SMAD4: variants seen among roughly 807,000 people sequenced by gnomAD.
The protein encoded by SMAD4 is MAD homolog 4.
A neutral mutation model predicts 63.2 loss-of-function variants in SMAD4; 7 were observed. That is an observed-to-expected ratio of 0.11 (90% CI 0.06 to 0.21). The LOEUF is 0.21. SMAD4 is among the 10% of genes least tolerant of loss of function. The pLI is 1.00. For missense variants in SMAD4, 312 were observed against 693.8 expected, an observed-to-expected ratio of 0.45 and a Z score of 6.18; for synonymous variants, 215 against 235.4, an observed-to-expected ratio of 0.91 and a Z score of 0.79.
At chr18:51,050,449 G>A (rs1048652774) in intron 4 of SMAD4, among the ~76,000 whole-genome samples, 6 of 151,914 alleles carry the variant, frequency 3.9e-5, no homozygotes, top group South Asian at 2.1e-4. Flanking sequence ...CACGAGGTCA[G>A]GAGATCGAGA....
At chr18:51,032,711 T>G (rs571205574) in intron 1 of SMAD4, among the ~76,000 whole-genome samples, 2 of 152,224 alleles carry the variant, frequency 1.3e-5, no homozygotes, top group South Asian at 2.1e-4. Flanking sequence ...AGTGTTATAG[T>G]AACATCATTA....
In SMAD4 at chr18:51,057,227, G is replaced by A. The variant is rs190294133; in HGVS notation, c.668-898G>A. On this transcript the variant is annotated intron_variant, in intron 5 of 11. Coordinates refer to ENST00000342988, the MANE Select transcript of SMAD4 (RefSeq NM_005359.6). The stretch of plus-strand genomic sequence containing the variant: ...ACTCCCATTTAGAAAAGAATGAGGT[G>A]ATGCCAGTTATAAATAATTATAACT... Among the ~76,000 whole-genome samples, 338 of 152,178 alleles carry A rather than the reference G, an allele frequency of 2.2e-3. 1 individual carries two copies. The highest frequency in any genetic ancestry group is 0.01 in the Middle Eastern group (3 of 294).
chr18:51,076,613 A>G (rs1910476422), intron 10 of SMAD4, 25 bp from the exon 11 acceptor site: 2 of 1,607,378 alleles, frequency 1.2e-6, no homozygotes, highest in South Asian at 1.1e-5. Context: ...ATGAACTCAT[A>G]GTATGAAATG....
At chr18:51,041,578 A>G (rs564209621) in intron 1 of SMAD4, among the ~76,000 whole-genome samples, 2 of 152,196 alleles carry the variant, frequency 1.3e-5, no homozygotes, top group Non-Finnish European at 2.9e-5. Flanking sequence ...GATGTTGCCA[A>G]GTGTCCCCTG....
At chr18:51,054,137 C>T (rs975152642) in intron 4 of SMAD4, 1 of 153,336 alleles carries the variant, frequency 6.5e-6, no homozygotes, top group East Asian at 1.9e-4. Context: ...TTTTCTCACA[C>T]CATATATTAA....
intron 1 of SMAD4, among the ~76,000 whole-genome samples, chr18:51,036,091 A>G (rs1172831277): frequency 6.6e-6 from 1 of 152,080 alleles, no homozygotes; most frequent in Non-Finnish European, 1.5e-5. Context: ...ATCTTGCCTC[A>G]GCCTCCAGAG....
Position 51,083,461 on chromosome 18 carries a change from GT to G in SMAD4, c.*5005del, listed in dbSNP as rs113155703. 2.0e-3 allele frequency: 406 copies of G among 205,206 alleles called. No individual in the cohort carries two copies. Among genetic ancestry groups the G allele is most frequent in the East Asian group, 3.3e-3 (44 of 13,390 alleles). 12.7% of individuals were successfully genotyped at this position (205,206 alleles called of 1,614,324 possible). ...GAAACTTTTTGTCCTTTTTTTTTCT[GT>G]TTTTTTTTTTCTAATGTAGTAAGGA... On this transcript the variant is annotated 3_prime_UTR_variant, in exon 12 of 12. Coordinates refer to ENST00000342988, the MANE Select transcript of SMAD4 (RefSeq NM_005359.6).
intron 1 of SMAD4, among the ~76,000 whole-genome samples, chr18:51,045,438 T>C (rs955153498): frequency 6.6e-6 from 1 of 152,218 alleles, no homozygotes; most frequent in African/African-American, 2.4e-5. Flanking sequence ...TTATCTTCTT[T>C]ATTCTTAAGC....
At chr18:51,055,519 A>G (rs967770691) in intron 5 of SMAD4, among the ~76,000 whole-genome samples, 2 of 142,442 alleles carry the variant, frequency 1.4e-5, no homozygotes, top group South Asian at 2.2e-4. Context: ...TTTTTAAAAT[A>G]TATGTGTAAT....
At chr18:51,076,943 T>C in intron 11 of SMAD4, 167 bp downstream of exon 11, 1 of 563,212 alleles carries the variant, frequency 1.8e-6, no homozygotes, top group Non-Finnish European at 3.1e-6. Flanking sequence ...ATAGTTGCTT[T>C]TTGCCTATGA....
intron 1 of SMAD4, among the ~76,000 whole-genome samples, chr18:51,034,390 G>T (rs1052306989): frequency 2.0e-5 from 3 of 152,006 alleles, no homozygotes; most frequent in Non-Finnish European, 1.5e-5. Flanking sequence ...GAGATTACAG[G>T]CGTGCGCCAC....
rs1288240994 is a variant in SMAD4, at chr18:51,084,010, G to GCACA, written c.*5544_*5545insACAC. On this transcript the variant is annotated 3_prime_UTR_variant, in exon 12 of 12. Transcript: ENST00000342988. Reference sequence around the variant, plus strand: ...ACTTAACGCGCGTGCGCACGCGCGCGCGCACACACACACACACACACACAC... The same window carrying GCACA: ...ACTTAACGCGCGTGCGCACGCGCGCGCACACGCACACACACACACACACACACAC... 5.6e-4 allele frequency: 34 copies of GCACA among 60,620 alleles called. No individual in the cohort carries two copies. The highest frequency in any genetic ancestry group is 3.1e-3 in the South Asian group (4 of 1,284). 3.8% of individuals were successfully genotyped at this position (60,620 alleles called of 1,614,324 possible).
At chr18:51,065,277 A>G in intron 8 of SMAD4, 146 bp from the exon 9 acceptor site, 1 of 711,188 alleles carries the variant, frequency 1.4e-6, no homozygotes, top group Non-Finnish European at 2.5e-6. Context: ...GCATTATGTT[A>G]TTTTAATCCA....
intron 5 of SMAD4, among the ~76,000 whole-genome samples, chr18:51,057,217 AGAATG>A (rs1216906726): frequency 6.6e-6 from 1 of 152,190 alleles, no homozygotes. Flanking sequence ...CATTTAGAAA[AGAATG>A]AGGTGATGCC....
At chr18:51,064,830 A>G (rs1420471340) in intron 8 of SMAD4, among the ~76,000 whole-genome samples, 3 of 152,234 alleles carry the variant, frequency 2.0e-5, no homozygotes, top group Non-Finnish European at 4.4e-5. Context: ...ATCTGTGTGT[A>G]CAACAACTGT....
chr18:51,031,587 T>C (rs1426214265), intron 1 of SMAD4, among the ~76,000 whole-genome samples: 11 of 152,200 alleles, frequency 7.2e-5, no homozygotes, highest in Admixed American at 7.2e-4. Context: ...TGAATTGACT[T>C]TCTGCAAACA....
At chr18:51,075,897 A>G (rs1435252350) in intron 10 of SMAD4, among the ~76,000 whole-genome samples, 1 of 152,228 alleles carries the variant, frequency 6.6e-6, no homozygotes, top group Non-Finnish European at 1.5e-5. Context: ...CCCATTTTAT[A>G]GATAAAAGAA....
At chr18:51,039,375 G>T (rs1909305404) in intron 1 of SMAD4, among the ~76,000 whole-genome samples, 2 of 152,126 alleles carry the variant, frequency 1.3e-5, no homozygotes, top group South Asian at 4.1e-4. Context: ...TATATCCAGG[G>T]TTTCAAGCAG....
At chr18:51,033,159 A>G (rs2144372811) in intron 1 of SMAD4, among the ~76,000 whole-genome samples, 1 of 152,070 alleles carries the variant, frequency 6.6e-6, no homozygotes, top group East Asian at 1.9e-4. Flanking sequence ...TTCTACAGTT[A>G]AAGGACTTAC....
Sources: gnomAD v4.1 joint callset for allele counts (sites outside exome capture counted in the v4.1 genomes callset) on GRCh38, gnomAD v4.1.1 for gene constraint, MANE v1.5 for transcripts, NCBI Gene and HGNC (gene_info 2026-07-23, HGNC 2026-07-21) for gene names.